Variants in APP observed in about 807,000 individuals in gnomAD.
The protein encoded by APP is amyloid beta precursor protein, also known as amyloid-beta precursor protein.
In APP, 31 loss-of-function variants were observed where a neutral mutation model predicts 101.4. The ratio of observed to expected loss-of-function variants is 0.31; its 90% CI spans 0.23 to 0.41. The LOEUF (loss-of-function observed/expected upper bound fraction) is 0.41, where lower values mean the gene tolerates loss of function less well. APP is among the 10% of genes least tolerant of loss of function. APP has a pLI of 1.00. For missense variants in APP, 839 were observed against 1,003.7 expected (o/e 0.84, Z 2.22); for synonymous variants, 366 against 364.4 (o/e 1.00, Z -0.05).
chr21:25,895,486 G>C (rs1046549022), intron 16 of APP, among the ~76,000 whole-genome samples: 1 of 151,970 alleles, frequency 6.6e-6, no homozygotes, highest in Non-Finnish European at 1.5e-5. Context: ...ATATGTACTG[G>C]GAAGCCAAAA....
chr21:25,906,563 C>G (rs1444685029), intron 14 of APP, among the ~76,000 whole-genome samples: 1 of 152,238 alleles, frequency 6.6e-6, no homozygotes, highest in Non-Finnish European at 1.5e-5. Context: ...GCGAGAGTGA[C>G]TATTCTCTAG....
intron 13 of APP, among the ~76,000 whole-genome samples, chr21:25,914,859 TG>T (rs746322971): frequency 2.0e-5 from 3 of 152,304 alleles, no homozygotes; most frequent in Non-Finnish European, 4.4e-5. Flanking sequence ...GGCTTGATCC[TG>T]GGCTTCTCAG....
chr21:25,973,905 A>G lies in APP; in HGVS notation c.1458+1165T>C, dbSNP rs1214952502. 2.8e-5 allele frequency among the ~76,000 whole-genome samples: 4 copies of G among 144,906 alleles called. No individual in the cohort carries two copies. The East Asian group carries it at 8.2e-4, about 30-fold the overall frequency. The stretch of plus-strand genomic sequence containing the variant: ...CAGTGAGCTGAGATTGCACCACTGC[A>G]CTCCAGCCTGGGTGACAGAGTGAGA... On this transcript the variant is annotated intron_variant, in intron 11 of 17. Transcript: ENST00000346798.
chr21:25,960,659 T>C (rs931018218), intron 11 of APP, among the ~76,000 whole-genome samples: 1 of 152,192 alleles, frequency 6.6e-6, no homozygotes, highest in Non-Finnish European at 1.5e-5. Context: ...CCTCAGCTCC[T>C]CCAGGGATAA....
At chr21:26,047,808 T>C (rs2045671364) in intron 5 of APP, among the ~76,000 whole-genome samples, 1 of 152,096 alleles carries the variant, frequency 6.6e-6, no homozygotes. Flanking sequence ...TCAAACACAG[T>C]GTGTGGCTAG....
At chr21:25,887,509 G>A (rs2037402906) in intron 17 of APP, among the ~76,000 whole-genome samples, 1 of 119,962 alleles carries the variant, frequency 8.3e-6, no homozygotes, top group Non-Finnish European at 1.6e-5. Context: ...AATATTTCCT[G>A]CTTATTTGAA....
intron 5 of APP, among the ~76,000 whole-genome samples, chr21:26,032,575 C>T (rs1374524191): frequency 6.6e-6 from 1 of 152,054 alleles, no homozygotes; most frequent in African/African-American, 2.4e-5. Flanking sequence ...AAATATTAAC[C>T]ACCTCAGGGG....
At chr21:25,916,562 C>T (rs1330954370) in intron 13 of APP, among the ~76,000 whole-genome samples, 2 of 152,078 alleles carry the variant, frequency 1.3e-5, no homozygotes, top group Admixed American at 6.5e-5. Context: ...CTAATCACAC[C>T]GAAACCACAC....
At chr21:26,147,690 G>A (rs2063180795) in intron 1 of APP, among the ~76,000 whole-genome samples, 1 of 152,102 alleles carries the variant, frequency 6.6e-6, no homozygotes, top group African/African-American at 2.4e-5. Context: ...CAACTGTTAA[G>A]TTAATCCCCA....
intron 11 of APP, among the ~76,000 whole-genome samples, chr21:25,958,423 CG>C (rs1214217121): frequency 5.3e-5 from 8 of 152,098 alleles, no homozygotes; most frequent in African/African-American, 1.9e-4. Context: ...ACTACAGGCA[CG>C]TGCCACCATG....
At chr21:26,103,511 G>A (rs780443436) in intron 2 of APP, among the ~76,000 whole-genome samples, 1 of 152,082 alleles carries the variant, frequency 6.6e-6, no homozygotes, top group Non-Finnish European at 1.5e-5. Context: ...TGAGGCATGA[G>A]AATCACTTGA....
At chr21:26,168,869 A>G (rs548957869) in intron 1 of APP, among the ~76,000 whole-genome samples, 1 of 152,346 alleles carries the variant, frequency 6.6e-6, no homozygotes, top group African/African-American at 2.4e-5. Flanking sequence ...CAGAAGAGAA[A>G]AAAGTTCAAT....
At chr21:25,929,287 T>G (rs527240025) in intron 13 of APP, among the ~76,000 whole-genome samples, 87 of 152,290 alleles carry the variant, frequency 5.7e-4, no homozygotes, top group African/African-American at 1.9e-3. Context: ...ATATAATGTT[T>G]TTACTAATTA....
At chr21:26,058,947 A>G (rs1040677955) in intron 3 of APP, among the ~76,000 whole-genome samples, 48 of 150,686 alleles carry the variant, frequency 3.2e-4, no homozygotes, top group South Asian at 2.3e-3. Flanking sequence ...CGGGCGTGGT[A>G]GCGGGCGCCT....
chr21:26,066,045 T>C (rs1259611078), intron 3 of APP, among the ~76,000 whole-genome samples: 3 of 152,172 alleles, frequency 2.0e-5, no homozygotes, highest in Admixed American at 6.5e-5. Flanking sequence ...AGGGTGGCTC[T>C]GCTTCAGGTG....
chr21:26,090,216 G>T, intron 2 of APP, 144 bp from the exon 3 acceptor site: 1 of 1,258,658 alleles, frequency 7.9e-7, no homozygotes, highest in Non-Finnish European at 1.1e-6. Context: ...CAAGGTCTCT[G>T]ACTTTTTCCG....
At chr21:25,938,436 A>G (rs2829988) in intron 13 of APP, among the ~76,000 whole-genome samples, 8,078 of 151,754 alleles carry the variant, frequency 0.053, 724 homozygotes, top group African/African-American at 0.18. Context: ...TTTTTTTTTC[A>G]ATGAAAATGA....
At chr21:26,019,901 G>C (rs927217096) in intron 6 of APP, among the ~76,000 whole-genome samples, 34 of 152,178 alleles carry the variant, frequency 2.2e-4, no homozygotes, top group African/African-American at 7.7e-4. Flanking sequence ...CCCTGAGAAA[G>C]CATGTCTCAG....
chr21:26,001,702 T>A (rs2043301825), intron 6 of APP, among the ~76,000 whole-genome samples: 1 of 152,192 alleles, frequency 6.6e-6, no homozygotes, highest in South Asian at 2.1e-4. Flanking sequence ...TTTCACCAGG[T>A]AGGCCAGGCT....
Sources: allele counts gnomAD v4.1 joint callset (sites outside exome capture counted in the v4.1 genomes callset), GRCh38; gene constraint gnomAD v4.1.1; transcripts MANE v1.5; gene names NCBI Gene and HGNC (gene_info 2026-07-23, HGNC 2026-07-21).